Variants in SPATA13 observed in about 807,000 individuals in gnomAD.
The protein encoded by SPATA13 is spermatogenesis-associated protein 13.
In SPATA13, 50 loss-of-function variants were observed where a neutral mutation model predicts 104.0. That is an observed-to-expected ratio of 0.48 (90% CI 0.38 to 0.61). The LOEUF (loss-of-function observed/expected upper bound fraction) is 0.61, where lower values mean the gene tolerates loss of function less well. Among genes scored for constraint, SPATA13 ranks in the 20% least tolerant of loss-of-function variants. The pLI, the probability that SPATA13 is intolerant of heterozygous loss-of-function variation, is 0.00. For missense variants in SPATA13, 1,524 were observed against 1,690.6 expected, an observed-to-expected ratio of 0.90 and a Z score of 1.73; for synonymous variants, 606 against 667.5, an observed-to-expected ratio of 0.91 and a Z score of 1.42.
intron 3 of SPATA13, among the ~76,000 whole-genome samples, chr13:24,124,606 A>G (rs1051096607): frequency 1.3e-5 from 2 of 152,250 alleles, no homozygotes; most frequent in Admixed American, 6.5e-5. Flanking sequence ...CTAATTGGAC[A>G]TGGCATTCTA....
chr13:24,123,696 C>G, intron 3 of SPATA13: 1 of 1,572,048 alleles, frequency 6.4e-7, no homozygotes, highest in Non-Finnish European at 8.7e-7. Flanking sequence ...GTCTTCTTGC[C>G]AAAGTTCCTC....
At chr13:24,004,099 G>A (rs1309264198) in intron 2 of SPATA13, among the ~76,000 whole-genome samples, 3 of 152,260 alleles carry the variant, frequency 2.0e-5, no homozygotes, top group African/African-American at 7.2e-5. Flanking sequence ...GTCGTTCAGG[G>A]ACTTGGGTTC....
intron 2 of SPATA13, among the ~76,000 whole-genome samples, chr13:24,010,458 C>T (rs1338751683): frequency 5.8e-5 from 8 of 137,100 alleles, no homozygotes; most frequent in Admixed American, 4.4e-4. Flanking sequence ...AGGTATGTAG[C>T]TTTTTTTTTT....
chr13:24,206,890 C>CA (rs58744273), intron 1 of SPATA13, among the ~76,000 whole-genome samples: 69 of 141,148 alleles, frequency 4.9e-4, no homozygotes, highest in African/African-American at 1.8e-3. Context: ...AACTCTGTCT[C>CA]AAAAAAAAAA....
intron 1 of SPATA13, among the ~76,000 whole-genome samples, chr13:24,204,907 A>G (rs1870618506): frequency 6.6e-6 from 1 of 152,102 alleles, no homozygotes; most frequent in Non-Finnish European, 1.5e-5. Flanking sequence ...GCTGCTGTGA[A>G]CATCAGTGTA....
At chr13:24,191,712 G>C (rs1248833120) in intron 1 of SPATA13, among the ~76,000 whole-genome samples, 2 of 151,704 alleles carry the variant, frequency 1.3e-5, no homozygotes, top group Admixed American at 6.6e-5. Flanking sequence ...GGGTTTCACT[G>C]TGTTAGCCAG....
At chr13:24,233,047 T>A (rs11617616) in intron 2 of SPATA13, among the ~76,000 whole-genome samples, 41,736 of 152,104 alleles carry the variant, frequency 0.27, 6,009 homozygotes, top group Non-Finnish European at 0.32. Flanking sequence ...GTGTGTAATA[T>A]GAAGGTTCAT....
chr13:24,132,275 A>C (rs73450708), intron 3 of SPATA13, among the ~76,000 whole-genome samples: 5,001 of 152,322 alleles, frequency 0.033, 224 homozygotes, highest in African/African-American at 0.1. Flanking sequence ...GACTTCCCCC[A>C]AAAAATCTTC....
At chr13:24,164,230 G>C (rs1380567851) in intron 1 of SPATA13, among the ~76,000 whole-genome samples, 1 of 152,228 alleles carries the variant, frequency 6.6e-6, no homozygotes, top group Non-Finnish European at 1.5e-5. Context: ...ACAAATGAAA[G>C]AGCAGTAAAG....
At position 24,304,019 on chromosome 13, in the gene SPATA13, C is replaced by G. The variant is rs1374634118; in HGVS notation, c.*1246C>G. 1 of 152,232 alleles carries G rather than the reference C, an allele frequency of 6.6e-6. No homozygotes were observed. Among genetic ancestry groups the G allele is most frequent in the Non-Finnish European group, 1.5e-5 (1 of 68,044 alleles). The allele number at this position is 152,232 out of a possible 1,614,324, so 9.4% of individuals were successfully genotyped here. A position where few individuals can be genotyped will look rare whatever the true frequency, so the allele number is the denominator to read the frequency against. ...GAAAATGCACTGGTCAGAAGGCACT[C>G]TCAAAGAGCCGCACTGCTCCTGACA... On this transcript the variant is annotated 3_prime_UTR_variant, in exon 13 of 13. Coordinates refer to ENST00000382108, the MANE Select transcript of SPATA13 (RefSeq NM_001166271.3).
At chr13:24,193,861 A>G (rs886213259) in intron 1 of SPATA13, among the ~76,000 whole-genome samples, 3 of 152,330 alleles carry the variant, frequency 2.0e-5, no homozygotes, top group Non-Finnish European at 4.4e-5. Context: ...AATGAGGAAG[A>G]TGGATGTGGA....
intron 1 of SPATA13, among the ~76,000 whole-genome samples, chr13:23,982,913 C>T (rs1255171179): frequency 1.3e-5 from 2 of 152,218 alleles, no homozygotes; most frequent in Non-Finnish European, 2.9e-5. Flanking sequence ...GATCCCTTCT[C>T]TCCCTCACCT....
At position 24,297,743 on chromosome 13, in the gene SPATA13, G is replaced by C. The variant is rs1337372517; in HGVS notation, c.3583+8G>C. On this transcript the variant is annotated splice_region_variant and intron_variant, in intron 11 of 12. Coordinates refer to ENST00000382108, the MANE Select transcript of SPATA13 (RefSeq NM_001166271.3). ...AAGAGGACAAGGAGATGGGTGAGCA[G>C]CCCTTGGCTCTGCAGGCACCTGTGC... The C allele has an allele frequency of 6.2e-7, 1 of 1,602,926 alleles. No homozygotes were observed. Among genetic ancestry groups the C allele is most frequent in the Non-Finnish European group, 8.5e-7 (1 of 1,173,356 alleles).
chr13:24,285,497 G>T (rs1260042442), intron 5 of SPATA13, among the ~76,000 whole-genome samples: 1 of 151,830 alleles, frequency 6.6e-6, no homozygotes, highest in Admixed American at 6.6e-5. Flanking sequence ...AAAGGGGCCT[G>T]CCTGCCTGCC....
At chr13:24,012,699 C>T (rs1261561860) in intron 2 of SPATA13, among the ~76,000 whole-genome samples, 1 of 152,252 alleles carries the variant, frequency 6.6e-6, no homozygotes, top group African/African-American at 2.4e-5. Context: ...AGGCTGCAAG[C>T]CTGTGATTAC....
chr13:23,983,593 T>C (rs1390077736), intron 1 of SPATA13: 1 of 152,176 alleles, frequency 6.6e-6, no homozygotes, highest in Non-Finnish European at 1.5e-5. Flanking sequence ...CACAAATAAA[T>C]GGTTGAGCAA....
intron 4 of SPATA13, among the ~76,000 whole-genome samples, chr13:24,252,539 T>C (rs1279248905): frequency 1.3e-5 from 2 of 152,228 alleles, no homozygotes; most frequent in African/African-American, 4.8e-5. Flanking sequence ...TGTACCCATA[T>C]GGCAGAAGAT....
chr13:23,980,213 C>T (rs757069178), intron 1 of SPATA13, among the ~76,000 whole-genome samples: 2 of 152,162 alleles, frequency 1.3e-5, no homozygotes, highest in Non-Finnish European at 2.9e-5. Flanking sequence ...GAAAAGTTGC[C>T]GCGGCCCCAG....
rs117998823 is a variant in SPATA13 at position 24,002,614 on chromosome 13, C to T, written c.-146-15053C>T. 1.2e-3 allele frequency among the ~76,000 whole-genome samples: 179 copies of T among 152,216 alleles called. No individual in the cohort carries two copies. In the East Asian group the frequency reaches 0.027, roughly 23 times the overall value. The stretch of plus-strand genomic sequence containing the variant: ...CCTCCTGGTTGGACTGACTAGACTG[C>T]AGGAGCTTCACGAATTCACCAGTTC... On this transcript the variant is annotated intron_variant, in intron 2 of 14. Coordinates refer to the SPATA13 transcript ENST00000424834.
Sources: allele counts gnomAD v4.1 joint callset (sites outside exome capture counted in the v4.1 genomes callset), GRCh38; gene constraint gnomAD v4.1.1; transcripts MANE v1.5; gene names NCBI Gene and HGNC (gene_info 2026-07-23, HGNC 2026-07-21).